CETP: variants seen among roughly 807,000 people sequenced by gnomAD.
The protein encoded by CETP is BPI fold containing family F.
CETP carries 56 observed loss-of-function variants against 66.5 expected under a neutral mutation model. The observed-to-expected ratio is 0.84, with a 90% CI of 0.68 to 1.05. CETP has a LOEUF of 1.05. Ranked by LOEUF, CETP falls within the 50% of genes least tolerant of loss-of-function variation. CETP has a pLI of 0.00. For missense variants in CETP, 612 were observed against 609.6 expected, an observed-to-expected ratio of 1.00 and a Z score of -0.04; for synonymous variants, 251 against 245.7, an observed-to-expected ratio of 1.02 and a Z score of -0.20.
chr16:56,973,400 G>GA lies in CETP; in HGVS notation c.821dup (p.Asp274GlufsTer11). On this transcript the variant is annotated frameshift_variant, in exon 9 of 16. Transcript: ENST00000200676. LOFTEE classifies it high-confidence loss of function. Reference sequence around the variant, plus strand: ...CACCTTCTCGCCCACACTGCTGGGGGACTCCCGCATGCTGTACTTCTGGTT... The same window carrying GA: ...CACCTTCTCGCCCACACTGCTGGGGGAACTCCCGCATGCTGTACTTCTGGTT... 1 of 1,614,188 alleles carries GA rather than the reference G, an allele frequency of 6.2e-7. No homozygotes were observed. Among genetic ancestry groups the GA allele is most frequent in the East Asian group, 2.2e-5 (1 of 44,878 alleles).
At chr16:56,963,787 G>A (rs1363873577) in intron 2 of CETP, among the ~76,000 whole-genome samples, 3 of 150,940 alleles carry the variant, frequency 2.0e-5, no homozygotes, top group Non-Finnish European at 4.4e-5. Context: ...TCGTGCCTCA[G>A]CCTCCAGAGT....
rs533741354 is a variant in CETP at position 56,982,297 on chromosome 16, T to C, written c.1321+60T>C. 81 of 1,508,200 alleles carry C rather than the reference T, an allele frequency of 5.4e-5. No homozygotes were observed. The African/African-American group carries it at 9.2e-4, about 17-fold the overall frequency. The allele number at this position is 1,508,200 out of a possible 1,614,324, so 93.4% of individuals were successfully genotyped here. A position where few individuals can be genotyped will look rare whatever the true frequency, so the allele number is the denominator to read the frequency against. On this transcript the variant is annotated intron_variant, in intron 14 of 15. Coordinates refer to ENST00000200676, the MANE Select transcript of CETP (RefSeq NM_000078.3). ...GGCTGACAGAGCTTCCCATTTCACC[T>C]TGTGGGCCCTTCCCAGGCAGAGCTT...
intron 2 of CETP, among the ~76,000 whole-genome samples, chr16:56,967,387 G>A (rs2056075308): frequency 6.6e-6 from 1 of 151,136 alleles, no homozygotes; most frequent in Non-Finnish European, 1.5e-5. Flanking sequence ...TGGGCATGGT[G>A]GCTCATGCCT....
chr16:56,961,975 TA>T lies in CETP; in HGVS notation c.-3del. Reference sequence around the variant, plus strand: ...GGGCCACTTACACACCACTGCCTGATAACCATGCTGGCTGCCACAGTCCTGA... The same window carrying T: ...GGGCCACTTACACACCACTGCCTGATACCATGCTGGCTGCCACAGTCCTGA... On this transcript the variant is annotated 5_prime_UTR_variant, in exon 1 of 16. Coordinates refer to ENST00000200676, the MANE Select transcript of CETP (RefSeq NM_000078.3). The T allele has an allele frequency of 1.2e-6, 2 of 1,613,266 alleles. No individual in the cohort carries two copies. Among genetic ancestry groups the T allele is most frequent in the Non-Finnish European group, 1.7e-6 (2 of 1,179,324 alleles).
Position 56,983,409 on chromosome 16 carries a change from G to C in CETP, c.1405G>C (p.Asp469His), listed in dbSNP as rs1316524470. 2 of 1,614,190 alleles carry C rather than the reference G, an allele frequency of 1.2e-6. No individual in the cohort carries two copies. The highest frequency in any genetic ancestry group is 2.2e-5 in the South Asian group (2 of 91,090). The part of the protein sequence containing the change: ...DIINPEIITR[D>H]GFLLLQMDFG... ...CATCAACCCTGAGATTATCACTCGA[G>C]ATGTGAGTACAAAGCCCCCCTCACC... Residue 469 changes from aspartate to histidine, a missense_variant and splice_region_variant, in exon 15 of 16, where the codon GAT becomes CAT. Asp to His is a moderately conservative substitution (Grantham distance 81, BLOSUM62 -1). Transcript: ENST00000200676.
At chr16:56,980,583 TA>T (rs1445950288) in intron 11 of CETP, among the ~76,000 whole-genome samples, 4 of 152,364 alleles carry the variant, frequency 2.6e-5, no homozygotes, top group Non-Finnish European at 2.9e-5. Flanking sequence ...TTTATTTACT[TA>T]TTTTTTTGTT....
chr16:56,970,100 T>G, intron 5 of CETP, 99 bp downstream of exon 5: 2 of 1,187,096 alleles, frequency 1.7e-6, no homozygotes, highest in South Asian at 2.6e-5. Flanking sequence ...GGCATGCTTG[T>G]GGGTGGCCAA....
chr16:56,983,233 G>T, intron 14 of CETP, 93 bp from the exon 15 acceptor site: 2 of 936,010 alleles, frequency 2.1e-6, no homozygotes, highest in Non-Finnish European at 3.5e-6. Context: ...GGTCCAAAAG[G>T]GTCTCAGCAT....
chr16:56,981,750 A>C, intron 13 of CETP, 70 bp downstream of exon 13: 1 of 1,505,478 alleles, frequency 6.6e-7, no homozygotes, highest in South Asian at 1.1e-5. Context: ...AAGCAGGCGG[A>C]GGGCCCTAAA....
At chr16:56,974,968 T>G (rs565814232) in intron 9 of CETP, 133 bp from the exon 10 acceptor site, 3 of 771,774 alleles carry the variant, frequency 3.9e-6, no homozygotes, top group African/African-American at 1.7e-5. Flanking sequence ...GCATCTCACA[T>G]GTTGTCTGGG....
Position 56,983,312 on chromosome 16 carries a change from G to C in CETP, c.1322-14G>C, listed in dbSNP as rs1297417863. Reference sequence around the variant, plus strand: ...CCCAAGAAGGGCTGACTGGGGCTCTGTCCCCTGCCCCAGGGCTCGAGGTAG... The same window carrying C: ...CCCAAGAAGGGCTGACTGGGGCTCTCTCCCCTGCCCCAGGGCTCGAGGTAG... On this transcript the variant is annotated splice_polypyrimidine_tract_variant and intron_variant, in intron 14 of 15. Transcript: ENST00000200676. 34 of 1,613,704 alleles carry C rather than the reference G, an allele frequency of 2.1e-5. No homozygotes were observed. Among genetic ancestry groups the C allele is most frequent in the Non-Finnish European group, 2.9e-5 (34 of 1,179,682 alleles).
At chr16:56,982,052 A>AT in intron 13 of CETP, 113 bp from the exon 14 acceptor site, 7 of 1,042,252 alleles carry the variant, frequency 6.7e-6, no homozygotes, top group Non-Finnish European at 1.0e-5. Flanking sequence ...GGTTGGATGT[A>AT]TTTTTTTCAC....
At chr16:56,978,054 G>T (rs781581774) in intron 10 of CETP, 37 bp from the exon 11 acceptor site, 1 of 1,610,378 alleles carries the variant, frequency 6.2e-7, no homozygotes, top group South Asian at 1.1e-5. Context: ...GCCCTGATGG[G>T]CCCCTGTCCT....
intron 8 of CETP, among the ~76,000 whole-genome samples, chr16:56,973,023 G>A (rs75642966): frequency 2.5e-4 from 38 of 152,342 alleles, no homozygotes; most frequent in African/African-American, 3.8e-4. Flanking sequence ...CAGCTGGGGC[G>A]GGGTGGGAGC....
In CETP at chr16:56,973,414, G is replaced by GTACT; in HGVS notation, c.836_839dup (p.Phe280LeufsTer6). The stretch of plus-strand genomic sequence containing the variant: ...CACTGCTGGGGGACTCCCGCATGCT[G>GTACT]TACTTCTGGTTCTCTGAGCGAGTCT... On this transcript the variant is annotated frameshift_variant, in exon 9 of 16. Transcript: ENST00000200676. LOFTEE classifies it high-confidence loss of function. The GTACT allele has an allele frequency of 6.2e-7, 1 of 1,614,202 alleles. No homozygotes were observed. The highest frequency in any genetic ancestry group is 8.5e-7 in the Non-Finnish European group (1 of 1,180,024).
At chr16:56,969,780 A>C in intron 4 of CETP, 99 bp downstream of exon 4, 3 of 1,544,410 alleles carry the variant, frequency 1.9e-6, no homozygotes, top group African/African-American at 2.7e-5. Flanking sequence ...TGGGGCCACC[A>C]AAGGAGGCCC....
chr16:56,962,174 T>A, intron 1 of CETP, 77 bp downstream of exon 1: 1 of 1,273,412 alleles, frequency 7.9e-7, no homozygotes, highest in Non-Finnish European at 1.1e-6. Flanking sequence ...CTCCCTGGCC[T>A]GAAGCCAGCC....
Position 56,972,869 on chromosome 16 carries a change from A to G in CETP, c.751-462A>G, listed in dbSNP as rs549382145. Among the ~76,000 whole-genome samples, 3 of 152,292 alleles carry G rather than the reference A, an allele frequency of 2.0e-5. No homozygotes were observed. The East Asian group carries it at 5.8e-4, about 29-fold the overall frequency. ...GACAGAAGGATCATTTCAGAGGTTC[A>G]TGGCCACTCCTGAAGCCTGTTCACA... On this transcript the variant is annotated intron_variant, in intron 8 of 15. Coordinates refer to ENST00000200676, the MANE Select transcript of CETP (RefSeq NM_000078.3).
At chr16:56,974,634 T>G (rs895863684) in intron 9 of CETP, among the ~76,000 whole-genome samples, 3 of 152,258 alleles carry the variant, frequency 2.0e-5, no homozygotes, top group Non-Finnish European at 4.4e-5. Context: ...ACACTTTGTT[T>G]TGTTGCACTC....
Sources: gnomAD v4.1 joint callset for allele counts (sites outside exome capture counted in the v4.1 genomes callset) on GRCh38, gnomAD v4.1.1 for gene constraint, MANE v1.5 for transcripts, NCBI Gene and HGNC (gene_info 2026-07-23, HGNC 2026-07-21) for gene names.